Variants in ZEB2 observed in about 807,000 individuals in gnomAD.
ZEB2 encodes the protein zinc finger E-box-binding homeobox 2.
In ZEB2, 6 loss-of-function variants were observed where a neutral mutation model predicts 99.9. The ratio of observed to expected loss-of-function variants is 0.06; its 90% confidence interval spans 0.03 to 0.12. The LOEUF is 0.12. Ranked by LOEUF, ZEB2 falls within the 10% of genes least tolerant of loss-of-function variation. The pLI is 1.00. For synonymous variants in ZEB2, 517 were observed against 542.5 expected (o/e 0.95, Z 0.65); for missense variants, 969 against 1,502.8 (o/e 0.64, Z 5.87).
At chr2:144,445,334 G>C (rs1703968795) in intron 2 of ZEB2, among the ~76,000 whole-genome samples, 1 of 149,480 alleles carries the variant, frequency 6.7e-6, no homozygotes, top group Non-Finnish European at 1.5e-5. Flanking sequence ...AGGTACCTGG[G>C]GTATGGAAAG....
At position 144,479,985 on chromosome 2, in the gene ZEB2, G is replaced by A. The variant is rs1214344445; in HGVS notation, c.73+37293C>T. Reference sequence around the variant, plus strand: ...AATCATCCTCTTGATTCAGCAAATTGTCCTGCTAGTAGCTTGTTGTGACCC... The same window carrying A: ...AATCATCCTCTTGATTCAGCAAATTATCCTGCTAGTAGCTTGTTGTGACCC... On this transcript the variant is annotated intron_variant, in intron 2 of 9. Coordinates refer to ENST00000627532, the MANE Select transcript of ZEB2 (RefSeq NM_014795.4). Among the ~76,000 whole-genome samples, 3 of 152,120 alleles carry A rather than the reference G, an allele frequency of 2.0e-5. No homozygotes were observed. The East Asian group carries it at 5.8e-4, about 29-fold the overall frequency.
In ZEB2 at chr2:144,421,172, G is replaced by A. The variant is rs201949355; in HGVS notation, c.403+3624C>T. ...AGTGCTGTTTGTCTCCCATTCACTC[G>A]CTCATTTCTTCAGACACACTTTGTG... On this transcript the variant is annotated intron_variant, in intron 4 of 9. Coordinates refer to ENST00000627532, the MANE Select transcript of ZEB2 (RefSeq NM_014795.4). 1.4e-4 allele frequency among the ~76,000 whole-genome samples: 22 copies of A among 152,202 alleles called. 1 individual carries two copies. In the East Asian group the frequency reaches 4.1e-3, roughly 28 times the overall value.
At chr2:144,496,064 A>G (rs2149921965) in intron 2 of ZEB2, 1 of 152,402 alleles carries the variant, frequency 6.6e-6, no homozygotes, top group East Asian at 1.9e-4. Flanking sequence ...AAGCACAACA[A>G]TTTGTCACAT....
rs1342002735 is a variant in ZEB2 at position 144,399,760 on chromosome 2, A to G, written c.1427T>C (p.Met476Thr). ...TGAAATTTCTTCAGCCTTGCAGTCC[A>G]TTTTTTGCCTGGAAACAGTATTGTC... Reference protein sequence around the residue: ...IVDNTVSRQKMDCKAEEISKL... With the variant: ...IVDNTVSRQKTDCKAEEISKL... The change falls in exon 8 of 10, where the codon ATG becomes ACG. Residue 476 changes from methionine (M) to threonine (T), a missense_variant. This residue lies in a region of ZEB2 where 227 missense variants were observed against 278.2 expected (regional missense o/e 0.82). Transcript: ENST00000627532. This position sits in a 1 kb window ranked among gnomAD's most constrained non-coding sequence, Gnocchi z 5.6. 2 of 1,613,854 alleles carry G rather than the reference A, an allele frequency of 1.2e-6. No individual in the cohort carries two copies. The highest frequency in any genetic ancestry group is 1.3e-5 in the African/African-American group (1 of 74,984).
intron 2 of ZEB2, among the ~76,000 whole-genome samples, chr2:144,483,134 A>ACG (rs1704538895): frequency 1.4e-5 from 2 of 143,550 alleles, no homozygotes; most frequent in African/African-American, 5.2e-5. Context: ...ACACACACAC[A>ACG]CACACACACA....
In ZEB2 at chr2:144,436,848, C is replaced by T. The variant is rs149808235; in HGVS notation, c.74-6822G>A. Among the ~76,000 whole-genome samples, 68 of 152,170 alleles carry T rather than the reference C, an allele frequency of 4.5e-4. No individual in the cohort carries two copies. In the East Asian group the frequency reaches 0.012, roughly 26 times the overall value. ...AGCTATCCTAAAAACAGATATTGGT[C>T]GAAGAATTTGTAACAGTAAATTCAC... is the stretch of plus-strand genomic sequence containing the variant. On this transcript the variant is annotated intron_variant, in intron 2 of 9. Transcript: ENST00000627532.
intron 1 of ZEB2, among the ~76,000 whole-genome samples, chr2:144,519,104 T>C (rs182615741): frequency 6.6e-6 from 1 of 152,330 alleles, no homozygotes; most frequent in East Asian, 1.9e-4. Context: ...TGCCAAAGTA[T>C]GGAATGGGAT....
chr2:144,505,079 G>A (rs1319978449), intron 2 of ZEB2, among the ~76,000 whole-genome samples: 1 of 151,612 alleles, frequency 6.6e-6, no homozygotes, highest in Non-Finnish European at 1.5e-5. Context: ...AATGTCAGGG[G>A]GAAAAAACGC....
intron 2 of ZEB2, among the ~76,000 whole-genome samples, chr2:144,515,195 T>C (rs1291443239): frequency 6.8e-6 from 1 of 147,430 alleles, no homozygotes; most frequent in Non-Finnish European, 1.5e-5. Context: ...CATTCTCTTT[T>C]TCTCTCAAAA....
chr2:144,487,688 G>T (rs1327856248), intron 2 of ZEB2, among the ~76,000 whole-genome samples: 1 of 152,122 alleles, frequency 6.6e-6, no homozygotes, highest in East Asian at 1.9e-4. Flanking sequence ...TAAAAATCAG[G>T]TTGGCTTTTG....
intron 8 of ZEB2, among the ~76,000 whole-genome samples, 168 bp from the exon 9 acceptor site, chr2:144,396,760 T>C (rs1042597178): frequency 1.6e-4 from 25 of 152,194 alleles, no homozygotes; most frequent in Non-Finnish European, 2.9e-4. Context: ...ATGCAGTATA[T>C]GCAACAATAT....
chr2:144,405,795 G>A (rs765038471), intron 4 of ZEB2, among the ~76,000 whole-genome samples: 4 of 152,192 alleles, frequency 2.6e-5, no homozygotes, highest in Non-Finnish European at 5.9e-5. Flanking sequence ...TTGTAATTAT[G>A]ACTCTATTCC....
chr2:144,414,513 G>T (rs1274264626), intron 4 of ZEB2, among the ~76,000 whole-genome samples: 1 of 151,982 alleles, frequency 6.6e-6, no homozygotes, highest in Non-Finnish European at 1.5e-5. Context: ...GACGGCTAGT[G>T]CGGTCCAGTA....
intron 4 of ZEB2, among the ~76,000 whole-genome samples, chr2:144,411,794 G>A (rs979652517): frequency 1.3e-5 from 2 of 152,208 alleles, no homozygotes; most frequent in East Asian, 1.9e-4. Context: ...TCAGGAGAGC[G>A]AGGTGAAGAG....
At chr2:144,434,515 T>C (rs1703812685) in intron 2 of ZEB2, among the ~76,000 whole-genome samples, 1 of 152,148 alleles carries the variant, frequency 6.6e-6, no homozygotes, top group Non-Finnish European at 1.5e-5. Flanking sequence ...AGAAAGCATG[T>C]CTTTAGGTGT....
intron 2 of ZEB2, among the ~76,000 whole-genome samples, chr2:144,491,306 A>G (rs1244872762): frequency 6.7e-6 from 1 of 148,600 alleles, no homozygotes; most frequent in Non-Finnish European, 1.5e-5. Flanking sequence ...CCAAAACGTG[A>G]GCAAAAGTGA....
At chr2:144,392,023 A>G (rs964168216) in intron 9 of ZEB2, among the ~76,000 whole-genome samples, 1 of 152,236 alleles carries the variant, frequency 6.6e-6, no homozygotes, top group Non-Finnish European at 1.5e-5. Context: ...ATGTTAGATC[A>G]TGTTATTCTT....
At chr2:144,459,766 G>C (rs1000461162) in intron 2 of ZEB2, among the ~76,000 whole-genome samples, 1 of 152,158 alleles carries the variant, frequency 6.6e-6, no homozygotes, top group Admixed American at 6.6e-5. Context: ...AGGTAACAGA[G>C]CTAAAGAGAA....
At position 144,466,136 on chromosome 2, in the gene ZEB2, T is replaced by C. The variant is rs540845673; in HGVS notation, c.74-36110A>G. Among the ~76,000 whole-genome samples, 3 of 152,334 alleles carry C rather than the reference T, an allele frequency of 2.0e-5. No individual in the cohort carries two copies. In the South Asian group the frequency reaches 6.2e-4, roughly 32 times the overall value. On this transcript the variant is annotated intron_variant, in intron 2 of 9. Coordinates refer to ENST00000627532, the MANE Select transcript of ZEB2 (RefSeq NM_014795.4). ...ACAAGGTGCATCATTTAATTACCAA[T>C]TGATTTCTTTATATATGACAACATG...
Sources: allele counts gnomAD v4.1 joint callset (sites outside exome capture counted in the v4.1 genomes callset), GRCh38; gene constraint gnomAD v4.1.1; regional missense constraint gnomAD v4.1.1; non-coding constraint Gnocchi (gnomAD v3.1); transcripts MANE v1.5; gene names NCBI Gene and HGNC (gene_info 2026-07-23, HGNC 2026-07-21).